The following NRG2 variants were observed in gnomAD, a reference collection of about 807,000 sequenced individuals.
NRG2 encodes the protein neuregulin 2.
In NRG2, 27 loss-of-function variants were observed where a neutral mutation model predicts 73.9. The observed-to-expected ratio is 0.37, with a 90% CI of 0.27 to 0.50. NRG2 has a LOEUF of 0.50. NRG2 is among the 20% of genes least tolerant of loss of function. The pLI is 0.96. For missense variants in NRG2, 1,126 were observed against 1,210.1 expected, an observed-to-expected ratio of 0.93 and a Z score of 1.03; for synonymous variants, 532 against 541.0, an observed-to-expected ratio of 0.98 and a Z score of 0.23.
rs180870843 is a variant in NRG2 at position 140,010,159 on chromosome 5, A to G, written c.700+32211T>C. Among the ~76,000 whole-genome samples, 546 of 152,260 alleles carry G rather than the reference A, an allele frequency of 3.6e-3. 2 individuals carry two copies. Among genetic ancestry groups the G allele is most frequent in the Non-Finnish European group, 6.2e-3 (422 of 68,004 alleles). On this transcript the variant is annotated intron_variant, in intron 1 of 9. Transcript: ENST00000361474. ...CTAAAAATACAAAAATTAGATGGGC[A>G]TGGTGGCAGGTGCCTGTAATCCCAG...
chr5:139,978,641 A>G (rs1756553913), intron 1 of NRG2, among the ~76,000 whole-genome samples: 1 of 152,196 alleles, frequency 6.6e-6, no homozygotes, highest in Non-Finnish European at 1.5e-5. Context: ...ACATGCTTGT[A>G]TATTATAAAC....
At chr5:139,916,440 T>A (rs946994534) in intron 1 of NRG2, among the ~76,000 whole-genome samples, 1 of 152,204 alleles carries the variant, frequency 6.6e-6, no homozygotes, top group African/African-American at 2.4e-5. Flanking sequence ...TTAAAGTATA[T>A]AATTCACTTT....
intron 1 of NRG2, among the ~76,000 whole-genome samples, chr5:139,990,591 C>T (rs1757545475): frequency 6.6e-6 from 1 of 152,188 alleles, no homozygotes. Flanking sequence ...CAGGCTTGAG[C>T]CATGGTGCCC....
intron 1 of NRG2, among the ~76,000 whole-genome samples, chr5:140,012,260 C>T (rs1759423597): frequency 6.6e-6 from 1 of 152,190 alleles, no homozygotes; most frequent in African/African-American, 2.4e-5. Context: ...GTATCCTTCA[C>T]TTGTGCTCCC....
Position 139,880,844 on chromosome 5 carries a change from G to T in NRG2, c.991+12C>A, listed in dbSNP as rs543508014. On this transcript the variant is annotated intron_variant, in intron 3 of 9. Transcript: ENST00000361474. The stretch of plus-strand genomic sequence containing the variant: ...CCCTCTAGGACCCTTCCCTCTGTCT[G>T]GGCCCACCTACCGCTGTTGACGTAA... 6.2e-7 allele frequency: 1 copy of T among 1,610,356 alleles called. No individual in the cohort carries two copies. The highest frequency in any genetic ancestry group is 1.3e-5 in the African/African-American group (1 of 74,854).
intron 1 of NRG2, among the ~76,000 whole-genome samples, chr5:140,030,291 A>G (rs1193166371): frequency 6.6e-6 from 1 of 152,172 alleles, no homozygotes; most frequent in Non-Finnish European, 1.5e-5. Context: ...TACCAACTCA[A>G]TGTTTTCTTT....
Position 139,856,611 on chromosome 5 carries a change from G to A in NRG2, c.1190-833C>T, listed in dbSNP as rs2127016004. On this transcript the variant is annotated intron_variant, in intron 5 of 9. Transcript: ENST00000361474. This position sits in a 1 kb window ranked among gnomAD's most constrained non-coding sequence, Gnocchi z 4.2. ...CCCTCCTCCCAGCTCAGGGTAAAGT[G>A]GAGGCTGGACCTCAATGCCTTGGCA... Among the ~76,000 whole-genome samples the A allele has an allele frequency of 1.3e-5, 2 of 152,316 alleles. No individual in the cohort carries two copies. The highest frequency in any genetic ancestry group is 4.1e-4 in the South Asian group (2 of 4,828).
intron 1 of NRG2, among the ~76,000 whole-genome samples, chr5:140,032,191 G>A (rs1761209033): frequency 1.3e-5 from 2 of 152,216 alleles, no homozygotes; most frequent in Admixed American, 1.3e-4. Flanking sequence ...GATTAAGAGT[G>A]TAGCTAGGCA....
At chr5:139,985,867 C>T (rs265179) in intron 1 of NRG2, among the ~76,000 whole-genome samples, 4 of 152,008 alleles carry the variant, frequency 2.6e-5, no homozygotes, top group Admixed American at 2.6e-4. Context: ...CACACTCCCC[C>T]CAACTCCCAA....
At chr5:139,934,343 C>T (rs1752691358) in intron 1 of NRG2, among the ~76,000 whole-genome samples, 1 of 151,944 alleles carries the variant, frequency 6.6e-6, no homozygotes, top group South Asian at 2.1e-4. Flanking sequence ...TGTATGACAA[C>T]AATAGCGAAA....
At position 139,853,583 on chromosome 5, in the gene NRG2, A is replaced by C. The variant is rs557142227; in HGVS notation, c.1293-556T>G. 2.1e-4 allele frequency among the ~76,000 whole-genome samples: 32 copies of C among 152,328 alleles called. 1 individual carries two copies. The highest frequency in any genetic ancestry group is 3.9e-4 in the Admixed American group (6 of 15,306). ...AGCAATGAACTAGATACTTTCAATAAAGTTCCATGAAGAAAATAAAACAGG... is the reference window on the plus strand; with the variant it reads ...AGCAATGAACTAGATACTTTCAATACAGTTCCATGAAGAAAATAAAACAGG... On this transcript the variant is annotated intron_variant, in intron 6 of 9. Coordinates refer to ENST00000361474, the MANE Select transcript of NRG2 (RefSeq NM_004883.3). The surrounding 1 kb of genome is among the most constrained non-coding windows in gnomAD (Gnocchi z 4.1).
chr5:139,998,440 C>CCA (rs1758191558), intron 1 of NRG2, among the ~76,000 whole-genome samples: 1 of 152,150 alleles, frequency 6.6e-6, no homozygotes, highest in Non-Finnish European at 1.5e-5. Flanking sequence ...GCCTGTGTTC[C>CCA]CATCTACTGG....
rs760718696 is a variant in NRG2 at position 140,042,726 on chromosome 5, G to A, written c.344C>T (p.Pro115Leu). 4.5e-6 allele frequency: 7 copies of A among 1,567,916 alleles called. No individual in the cohort carries two copies. In the East Asian group the frequency reaches 7.1e-5, roughly 16 times the overall value. ...LFGVSLACYSPSLKSVQDQAY... is the reference protein window; with the variant it reads ...LFGVSLACYSLSLKSVQDQAY... Reference sequence around the variant, plus strand: ...CTGGTCCTGCACTGACTTGAGGCTGGGCGAGTAGCAGGCGAGCGACACACC... The same window carrying A: ...CTGGTCCTGCACTGACTTGAGGCTGAGCGAGTAGCAGGCGAGCGACACACC... Residue 115 changes from proline to leucine, a missense_variant, in exon 1 of 10, where the codon CCC (proline) becomes CTC (leucine). Physicochemically the swap from Pro to Leu is moderately conservative, Grantham distance 98. Around this residue, in one of 3 missense-constraint regions of NRG2, gnomAD observed 539 missense variants for 703.2 expected, o/e 0.77. Coordinates refer to ENST00000361474, the MANE Select transcript of NRG2 (RefSeq NM_004883.3).
intron 1 of NRG2, among the ~76,000 whole-genome samples, chr5:139,982,148 T>G (rs1343225776): frequency 6.6e-6 from 1 of 152,170 alleles, no homozygotes; most frequent in Non-Finnish European, 1.5e-5. Flanking sequence ...CTCTAGGGGT[T>G]CTTTCTACTC....
At chr5:139,873,797 G>C (rs1214089132) in intron 3 of NRG2, among the ~76,000 whole-genome samples, 2 of 152,248 alleles carry the variant, frequency 1.3e-5, no homozygotes, top group African/African-American at 4.8e-5. Context: ...AGGATGCTGG[G>C]TTGGCCGGGG....
intron 1 of NRG2, among the ~76,000 whole-genome samples, chr5:140,021,808 C>A (rs1760252992): frequency 6.6e-6 from 1 of 152,252 alleles, no homozygotes; most frequent in Middle Eastern, 3.4e-3. Context: ...AGCTAATAAG[C>A]CTTTCTGTAG....
At chr5:139,922,404 A>G (rs535371859) in intron 1 of NRG2, among the ~76,000 whole-genome samples, 1 of 152,334 alleles carries the variant, frequency 6.6e-6, no homozygotes, top group Admixed American at 6.5e-5. Flanking sequence ...ACAAGATACC[A>G]TGATACACCT....
At chr5:140,021,223 A>G (rs183110621) in intron 1 of NRG2, among the ~76,000 whole-genome samples, 17 of 152,356 alleles carry the variant, frequency 1.1e-4, no homozygotes, top group African/African-American at 4.1e-4. Flanking sequence ...AACAGGCTCA[A>G]AAAGGTCAGT....
At chr5:139,935,624 A>G (rs1405607479) in intron 1 of NRG2, among the ~76,000 whole-genome samples, 2 of 152,218 alleles carry the variant, frequency 1.3e-5, no homozygotes, top group Admixed American at 6.5e-5. Context: ...TATATGGGTC[A>G]AAGAAGAAAT....
Sources: allele counts gnomAD v4.1 joint callset (sites outside exome capture counted in the v4.1 genomes callset), GRCh38; gene constraint gnomAD v4.1.1; regional missense constraint gnomAD v4.1.1; non-coding constraint Gnocchi (gnomAD v3.1); transcripts MANE v1.5; gene names NCBI Gene and HGNC (gene_info 2026-07-23, HGNC 2026-07-21).